TRAPPC9: variants seen among roughly 807,000 people sequenced by gnomAD.
The protein encoded by TRAPPC9 is trafficking protein particle complex subunit 9.
In TRAPPC9, 83 loss-of-function variants were observed where a neutral mutation model predicts 124.0. The observed-to-expected ratio is 0.67, with a 90% confidence interval of 0.56 to 0.80. TRAPPC9 has a LOEUF of 0.80. TRAPPC9 is among the 30% of genes least tolerant of loss of function. The pLI, the probability that TRAPPC9 is intolerant of heterozygous loss-of-function variation, is 0.00. For synonymous variants in TRAPPC9, 638 were observed against 617.5 expected, an observed-to-expected ratio of 1.03 and a Z score of -0.49; for missense variants, 1,302 against 1,508.3, an observed-to-expected ratio of 0.86 and a Z score of 2.27.
At chr8:140,221,197 G>T (rs2063331065) in intron 17 of TRAPPC9, among the ~76,000 whole-genome samples, 1 of 152,200 alleles carries the variant, frequency 6.6e-6, no homozygotes, top group African/African-American at 2.4e-5. Context: ...GAGAGAGTCT[G>T]CTTTAATCAC....
In TRAPPC9 at chr8:140,122,132, A is replaced by T. The variant is rs181367064; in HGVS notation, c.2557-98053T>A. On this transcript the variant is annotated intron_variant, in intron 17 of 22. Coordinates refer to ENST00000438773, the MANE Select transcript of TRAPPC9 (RefSeq NM_001160372.4). ...GCTGGGAAACTTCAATGAGTCAAGG[A>T]TCTGCAGGTGGCCTCTAGATGCTGA... Among the ~76,000 whole-genome samples the T allele has an allele frequency of 8.6e-5, 13 of 152,008 alleles. No homozygotes were observed. The East Asian group carries it at 2.3e-3, about 27-fold the overall frequency.
intron 21 of TRAPPC9, among the ~76,000 whole-genome samples, chr8:139,814,160 G>T (rs75806867): frequency 0.15 from 22,412 of 152,284 alleles, 1,691 homozygotes; most frequent in Admixed American, 0.2. Context: ...CCACCCAGCA[G>T]CCCTGTGCTC....
chr8:140,287,876 G>C lies in TRAPPC9; in HGVS notation c.1855-142C>G, dbSNP rs1466327032. ...AACAGTCTTCACAGAGAACTTCGGA[G>C]ACAGTGTACAGTGTAACACAAAACC... On this transcript the variant is annotated intron_variant, in intron 12 of 22. Transcript: ENST00000438773. 2.4e-6 allele frequency: 3 copies of C among 1,232,034 alleles called. No homozygotes were observed. In the East Asian group the frequency reaches 7.3e-5, roughly 30 times the overall value. The allele number at this position is 1,232,034 out of a possible 1,614,324, so 76.3% of individuals were successfully genotyped here.
chr8:140,451,139 C>T lies in TRAPPC9; in HGVS notation c.235G>A (p.Gly79Ser). The change falls in exon 2 of 23, where the codon GGC becomes AGC. Residue 79 changes from glycine to serine, a missense_variant. Physicochemically the swap from Gly to Ser is moderately conservative, Grantham distance 56. Coordinates refer to ENST00000438773, the MANE Select transcript of TRAPPC9 (RefSeq NM_001160372.4). Reference sequence around the variant, plus strand: ...AAGCAGTCTGTGATGGTGATGAGGCCCACGACTTTGCGGTGGGTCTGGAAG... The same window carrying T: ...AAGCAGTCTGTGATGGTGATGAGGCTCACGACTTTGCGGTGGGTCTGGAAG... Reference protein sequence around the residue: ...GDFQTHRKVVGLITITDCFSA... With the variant: ...GDFQTHRKVVSLITITDCFSA... 6.2e-7 allele frequency: 1 copy of T among 1,614,000 alleles called. No homozygotes were observed. The highest frequency in any genetic ancestry group is 8.5e-7 in the Non-Finnish European group (1 of 1,179,986).
At chr8:139,928,443 G>A (rs149444882) in intron 19 of TRAPPC9, among the ~76,000 whole-genome samples, 5,560 of 151,954 alleles carry the variant, frequency 0.037, 251 homozygotes, top group African/African-American at 0.11. Flanking sequence ...AGTGAGCCAA[G>A]ATGGCGCCAC....
intron 21 of TRAPPC9, among the ~76,000 whole-genome samples, chr8:139,864,576 G>T (rs2130998376): frequency 6.6e-6 from 1 of 152,294 alleles, no homozygotes; most frequent in African/African-American, 2.4e-5. Context: ...GTGACTTCCT[G>T]GCTAGGGGAC....
chr8:140,033,120 A>G (rs541018510), intron 17 of TRAPPC9, among the ~76,000 whole-genome samples: 6 of 152,266 alleles, frequency 3.9e-5, no homozygotes, highest in Non-Finnish European at 5.9e-5. Flanking sequence ...TAAGGAGATT[A>G]CCCCTTGTAC....
rs963474372 is a variant in TRAPPC9 at position 139,730,924 on chromosome 8, G to C, written c.*137C>G. 6 of 961,178 alleles carry C rather than the reference G, an allele frequency of 6.2e-6. No individual in the cohort carries two copies. The African/African-American group carries it at 9.8e-5, about 16-fold the overall frequency. 59.5% of individuals were successfully genotyped at this position (961,178 alleles called of 1,614,324 possible). Reference sequence around the variant, plus strand: ...AGCAAAGATGCTACAGGAGGAACAGGAGGAGAGGGCTGGGAGGGGTCTGGG... The same window carrying C: ...AGCAAAGATGCTACAGGAGGAACAGCAGGAGAGGGCTGGGAGGGGTCTGGG... On this transcript the variant is annotated 3_prime_UTR_variant, in exon 23 of 23. Coordinates refer to ENST00000438773, the MANE Select transcript of TRAPPC9 (RefSeq NM_001160372.4).
chr8:139,737,552 C>G (rs1241210921), intron 21 of TRAPPC9, among the ~76,000 whole-genome samples: 1 of 146,292 alleles, frequency 6.8e-6, no homozygotes, highest in Non-Finnish European at 1.5e-5. Context: ...GGCTGGCCCC[C>G]GTCGGGCTTC....
At chr8:140,370,923 C>G in intron 8 of TRAPPC9, 41 bp downstream of exon 8, 1 of 1,608,832 alleles carries the variant, frequency 6.2e-7, no homozygotes, top group Non-Finnish European at 8.5e-7. Flanking sequence ...GACCATCAGA[C>G]AGAAAGCAAC....
intron 21 of TRAPPC9, among the ~76,000 whole-genome samples, chr8:139,829,728 G>C (rs1318002648): frequency 6.6e-6 from 1 of 152,208 alleles, no homozygotes; most frequent in Non-Finnish European, 1.5e-5. Flanking sequence ...AATGGATCCT[G>C]AGAGACAGGT....
At chr8:139,898,704 A>G (rs917156921) in intron 20 of TRAPPC9, among the ~76,000 whole-genome samples, 1 of 152,228 alleles carries the variant, frequency 6.6e-6, no homozygotes. Flanking sequence ...TCTTCTGTGA[A>G]GGGGAAACTG....
intron 5 of TRAPPC9, among the ~76,000 whole-genome samples, chr8:140,422,693 G>T (rs1032362464): frequency 6.7e-6 from 1 of 149,084 alleles, no homozygotes; most frequent in African/African-American, 2.5e-5. Flanking sequence ...GGCAGGGGTT[G>T]CAGTGAGCCG....
chr8:140,027,771 T>C (rs368324861), intron 17 of TRAPPC9, among the ~76,000 whole-genome samples: 5 of 152,294 alleles, frequency 3.3e-5, no homozygotes, highest in South Asian at 2.1e-4. Flanking sequence ...TGTAGAATCA[T>C]GGCAGAAGGG....
At chr8:140,280,223 A>C (rs1298707990) in intron 14 of TRAPPC9, among the ~76,000 whole-genome samples, 1 of 152,202 alleles carries the variant, frequency 6.6e-6, no homozygotes, top group Non-Finnish European at 1.5e-5. Flanking sequence ...TGTTCAAGCT[A>C]ATGTGCTTGG....
upstream of TRAPPC9, among the ~76,000 whole-genome samples, chr8:140,458,040 A>G (rs1185689454): frequency 6.6e-5 from 7 of 106,854 alleles, no homozygotes; most frequent in African/African-American, 1.9e-4. Flanking sequence ...GGGGTGAAAG[A>G]AGGAGGGAGG....
chr8:139,866,648 G>A (rs1563875532), intron 21 of TRAPPC9, among the ~76,000 whole-genome samples: 1 of 152,184 alleles, frequency 6.6e-6, no homozygotes. Flanking sequence ...AGGACATGAG[G>A]TACCAGTAAG....
chr8:139,739,616 C>T (rs777177593), intron 21 of TRAPPC9, among the ~76,000 whole-genome samples: 30 of 152,214 alleles, frequency 2.0e-4, no homozygotes, highest in African/African-American at 6.0e-4. Flanking sequence ...TCCATCCTGA[C>T]GGTCAGGACT....
intron 21 of TRAPPC9, among the ~76,000 whole-genome samples, chr8:139,784,618 T>TATATATATATATATATATATATATA (rs1822081049): frequency 2.3e-5 from 3 of 128,042 alleles, no homozygotes; most frequent in Non-Finnish European, 5.1e-5. Context: ...CATATATATA[T>TATATATATATATATATATATATATA]ATATATATAT....
Sources: gnomAD v4.1 joint callset for allele counts (sites outside exome capture counted in the v4.1 genomes callset) on GRCh38, gnomAD v4.1.1 for gene constraint, MANE v1.5 for transcripts, NCBI Gene and HGNC (gene_info 2026-07-23, HGNC 2026-07-21) for gene names.